Variants in TTN observed in about 807,000 individuals in gnomAD.
TTN encodes the protein connectin.
In TTN, 1,525 loss-of-function variants were observed where a neutral mutation model predicts 3,223.0. The ratio of observed to expected loss-of-function variants is 0.47; its 90% CI spans 0.45 to 0.49. TTN has a LOEUF of 0.49. Among genes scored for constraint, TTN ranks in the 20% least tolerant of loss-of-function variants. The probability of loss-of-function intolerance (pLI) is 0.00; values close to 1 mark genes in which losing one functional copy is unlikely to be tolerated. For missense variants in TTN, 40,786 were observed against 43,424.0 expected (o/e 0.94, Z 5.40); for synonymous variants, 14,094 against 15,161.0 (o/e 0.93, Z 5.17).
At position 178,614,582 on chromosome 2, in the gene TTN, G is replaced by T. The variant is rs763372996; in HGVS notation, c.48932C>A (p.Pro16311His). The T allele has an allele frequency of 1.7e-5, 28 of 1,612,228 alleles. No homozygotes were observed. The highest frequency in any genetic ancestry group is 2.1e-5 in the Non-Finnish European group (25 of 1,179,146). ...AACAATAGTCACTGTGGATTTCTTA[G>T]GGACATTTTCAATGGTAATTCTTTT... ...QDKRITIENV[P>H]KKSTVTIVDS... Residue 16311 changes from proline (P) to histidine (H), a missense_variant, in exon 261 of 363, where the codon CCT becomes CAT. By Grantham distance (77) the Pro-to-His change is moderately conservative (BLOSUM62 -2). Coordinates refer to ENST00000589042, the MANE Select transcript of TTN (RefSeq NM_001267550.2).
At position 178,719,696 on chromosome 2, in the gene TTN, G is replaced by A; in HGVS notation, c.23796C>T (p.Asp7932=). ...TGATGAATGTAATGTGATGTTTGCT[G>A]TCTGCAGACAATTCTCTTCCATCTT... ...WFKDGRELSA[D]SKHHITFINK... Residue 7932 remains aspartate, a synonymous_variant, in exon 82 of 363, where the codon GAC becomes GAT. Coordinates refer to ENST00000589042, the MANE Select transcript of TTN (RefSeq NM_001267550.2). The A allele has an allele frequency of 1.2e-6, 2 of 1,613,712 alleles. No individual in the cohort carries two copies. Among genetic ancestry groups the A allele is most frequent in the South Asian group, 1.1e-5 (1 of 91,084 alleles).
rs374893678 is a variant in TTN at position 178,741,929 on chromosome 2, G to T, written c.11312-8C>A. On this transcript the variant is annotated splice_polypyrimidine_tract_variant and splice_region_variant and intron_variant, in intron 47 of 362. Transcript: ENST00000589042. ...GAAAAGAACTAGAAAACTCTGTATG[G>T]GGAAAAATGATTATTATTTTACTAT... is the stretch of plus-strand genomic sequence containing the variant. The T allele has an allele frequency of 3.2e-5, 46 of 1,449,976 alleles. No individual in the cohort carries two copies. In the African/African-American group the frequency reaches 6.2e-4, roughly 19 times the overall value. The allele number at this position is 1,449,976 out of a possible 1,614,324, so 89.8% of individuals were successfully genotyped here. A position where few individuals can be genotyped will look rare whatever the true frequency, so the allele number is the denominator to read the frequency against.
intron 78 of TTN, 69 bp from the exon 79 acceptor site, chr2:178,721,271 G>A (rs1213226855): frequency 7.1e-6 from 9 of 1,262,592 alleles, no homozygotes; most frequent in Non-Finnish European, 9.2e-6. Flanking sequence ...TGTTTTTGTA[G>A]CTGAAGATCC....
Position 178,649,269 on chromosome 2 carries a change from GT to G in TTN, c.40035del (p.Lys13345AsnfsTer44). 4.0e-6 allele frequency: 6 copies of G among 1,499,686 alleles called. No homozygotes were observed. In the Admixed American group the frequency reaches 7.9e-5, roughly 20 times the overall value. The allele number at this position is 1,499,686 out of a possible 1,614,324, so 92.9% of individuals were successfully genotyped here. On this transcript the variant is annotated frameshift_variant, in exon 213 of 363. Coordinates refer to ENST00000589042, the MANE Select transcript of TTN (RefSeq NM_001267550.2). LOFTEE classifies it high-confidence loss of function. ...VKKEPVPVTK[K>X]PEVLPEKVPK... ...GTACCTTTTTCTGGAAGAACTTCTG[GT>G]TTTTTGGTAACAGGCACAGGTTCTT... is the stretch of plus-strand genomic sequence containing the variant.
chr2:178,734,674 GA>G, intron 51 of TTN, 32 bp downstream of exon 51: 4 of 1,577,732 alleles, frequency 2.5e-6, no homozygotes, highest in Non-Finnish European at 3.4e-6. Flanking sequence ...TCTTTTCTCA[GA>G]AAAATACTGG....
intron 12 of TTN, among the ~76,000 whole-genome samples, chr2:178,789,771 T>C (rs902722812): frequency 6.6e-6 from 1 of 152,150 alleles, no homozygotes; most frequent in African/African-American, 2.4e-5. Flanking sequence ...TAATGGTGAA[T>C]AAAATGAATT....
rs1293502713 is a variant in TTN at position 178,767,835 on chromosome 2, C to T, written c.9395G>A (p.Gly3132Glu). Reference sequence around the variant, plus strand: ...GAGTTTTGCAGTTGACACGTTGCCTCCTGCCACCACTGTGTACTTCCCAGC... The same window carrying T: ...GAGTTTTGCAGTTGACACGTTGCCTTCTGCCACCACTGTGTACTTCCCAGC... ...SDAGKYTVVA[G>E]GNVSTAKLFV... Residue 3132 changes from glycine (G) to glutamate (E), a missense_variant, in exon 40 of 363, where the codon GGA becomes GAA. Physicochemically the swap from Gly to Glu is moderately conservative, Grantham distance 98. Transcript: ENST00000589042. 6.2e-7 allele frequency: 1 copy of T among 1,614,130 alleles called. No homozygotes were observed. Among genetic ancestry groups the T allele is most frequent in the Middle Eastern group, 1.6e-4 (1 of 6,062 alleles).
Position 178,592,969 on chromosome 2 carries a change from A to G in TTN, c.59150T>C (p.Val19717Ala). 2.5e-6 allele frequency: 4 copies of G among 1,613,510 alleles called. No homozygotes were observed. The highest frequency in any genetic ancestry group is 3.4e-6 in the Non-Finnish European group (4 of 1,179,604). The change falls in exon 300 of 363, where the codon GTT becomes GCT. Residue 19717 changes from valine (V) to alanine (A), a missense_variant. Physicochemically the swap from Val to Ala is moderately conservative, Grantham distance 64 (BLOSUM62 0). Transcript: ENST00000589042. ...TTCATCTCCAACTTTCTGGTACTCA[A>G]CAATATAACCCAGAATCTTGCTCCC... ...DGGSKILGYIVEYQKVGDEEW... is the reference protein window; with the variant it reads ...DGGSKILGYIAEYQKVGDEEW...
chr2:178,598,890 T>A lies in TTN; in HGVS notation c.56820A>T (p.Lys18940Asn). The A allele has an allele frequency of 6.2e-7, 1 of 1,613,222 alleles. No homozygotes were observed. Among genetic ancestry groups the A allele is most frequent in the Non-Finnish European group, 8.5e-7 (1 of 1,179,494 alleles). ...RWKRVNRDPI[K>N]AMTLGVSYKV... is the part of the protein sequence containing the mutation. ...TATAAGAAACACCCAAAGTCATGGCTTTGATAGGATCTCGGTTAACTCTCT... is the reference window on the plus strand; with the variant it reads ...TATAAGAAACACCCAAAGTCATGGCATTGATAGGATCTCGGTTAACTCTCT... Residue 18940 changes from lysine to asparagine, a missense_variant, in exon 291 of 363, where the codon AAA becomes AAT. Physicochemically the swap from Lys to Asn is moderately conservative, Grantham distance 94 (BLOSUM62 0). Coordinates refer to ENST00000589042, the MANE Select transcript of TTN (RefSeq NM_001267550.2).
rs940884256 is a variant in TTN, at chr2:178,715,759, A to G, written c.25655T>C (p.Ile8552Thr). 8 of 1,582,956 alleles carry G rather than the reference A, an allele frequency of 5.1e-6. No homozygotes were observed. In the African/African-American group the frequency reaches 9.4e-5, roughly 19 times the overall value. Residue 8552 changes from isoleucine to threonine, a missense_variant, in exon 89 of 363, where the codon ATT becomes ACT. Physicochemically the swap from Ile to Thr is moderately conservative, Grantham distance 89. Coordinates refer to ENST00000589042, the MANE Select transcript of TTN (RefSeq NM_001267550.2). ...QLGVQEPPRF[I>T]KKLEPSRIVK... ...AATTCTTGAAGGTTCTAGCTTCTTA[A>G]TGAACCTGGGTGGTTCTATGGAACC... is the stretch of plus-strand genomic sequence containing the variant.
Position 178,644,729 on chromosome 2 carries a change from ATAAC to A in TTN, c.40409-117_40409-114del. 5 of 776,410 alleles carry A rather than the reference ATAAC, an allele frequency of 6.4e-6. No individual in the cohort carries two copies. In the South Asian group the frequency reaches 8.2e-5, roughly 13 times the overall value. The allele number at this position is 776,410 out of a possible 1,614,324, so 48.1% of individuals were successfully genotyped here. A position where few individuals can be genotyped will look rare whatever the true frequency, so the allele number is the denominator to read the frequency against. ...CTTTGCTTATAACCAGAAAGCATTA[ATAAC>A]AGCCAAGAACAGCCTTCAAAGAACA... On this transcript the variant is annotated intron_variant, in intron 217 of 362. Transcript: ENST00000589042.
Position 178,632,219 on chromosome 2 carries a change from A to G in TTN, c.43675T>C (p.Ser14559Pro). Residue 14559 changes from serine (S) to proline (P), a missense_variant, in exon 236 of 363, where the codon TCT becomes CCT. Physicochemically the swap from Ser to Pro is moderately conservative, Grantham distance 74. Transcript: ENST00000589042. ...KTHSITFKDL[S>P]IDDTSQIRVE... Reference sequence around the variant, plus strand: ...CTAATTTGGGAGGTGTCATCAATAGACAGGTCTTTGAATGTGATCGAATGA... The same window carrying G: ...CTAATTTGGGAGGTGTCATCAATAGGCAGGTCTTTGAATGTGATCGAATGA... 6.2e-7 allele frequency: 1 copy of G among 1,607,948 alleles called. No homozygotes were observed. Among genetic ancestry groups the G allele is most frequent in the South Asian group, 1.1e-5 (1 of 89,938 alleles).
At position 178,562,357 on chromosome 2, in the gene TTN, G is replaced by T. The variant is rs763936394; in HGVS notation, c.83775C>A (p.Gly27925=). 2 of 1,610,868 alleles carry T rather than the reference G, an allele frequency of 1.2e-6. No homozygotes were observed. Among genetic ancestry groups the T allele is most frequent in the South Asian group, 2.2e-5 (2 of 90,390 alleles). The change falls in exon 326 of 363, where the codon GGC becomes GGA. Residue 27925 remains glycine, a synonymous_variant. Coordinates refer to ENST00000589042, the MANE Select transcript of TTN (RefSeq NM_001267550.2). ...AGACATACTCTTCTCCTGCAGTTAA[G>T]CCAGATATAGTTGCTTCTAGAGTCT... is the stretch of plus-strand genomic sequence containing the variant. ...QVKTLEATIS[G]LTAGEEYVFR...
In TTN at chr2:178,779,216, G is replaced by A. The variant is rs772650637; in HGVS notation, c.3963+13C>T. ...ACTGTGGCAAGGAGCTATGATAAAT[G>A]TTTATATTTTACCTTTGGTAATGGA... On this transcript the variant is annotated intron_variant, in intron 23 of 362. Transcript: ENST00000589042. The A allele has an allele frequency of 2.5e-6, 4 of 1,612,960 alleles. No individual in the cohort carries two copies. Among genetic ancestry groups the A allele is most frequent in the African/African-American group, 1.3e-5 (1 of 74,902 alleles).
intron 64 of TTN, 50 bp downstream of exon 64, chr2:178,729,238 A>T (rs1375567394): frequency 6.4e-7 from 1 of 1,553,728 alleles, no homozygotes; most frequent in Non-Finnish European, 8.7e-7. Context: ...GATAAGATTT[A>T]AAAGCGTTAC....
Position 178,684,697 on chromosome 2 carries a change from G to T in TTN, c.32607C>A (p.Val10869=), listed in dbSNP as rs1286198154. Reference sequence around the variant, plus strand: ...CTGGGAGAGGTTCTTCCATCTTAATGACTTTTGGAGGAACCTTTTTTTCTG... The same window carrying T: ...CTGGGAGAGGTTCTTCCATCTTAATTACTTTTGGAGGAACCTTTTTTTCTG... ...PVPEKKVPPK[V]IKMEEPLPAK... is the part of the protein sequence containing the mutation. The change falls in exon 131 of 363, where the codon GTC becomes GTA. Residue 10869 remains valine (V), a synonymous_variant. Transcript: ENST00000589042. The T allele has an allele frequency of 1.9e-6, 3 of 1,612,968 alleles. No individual in the cohort carries two copies. The highest frequency in any genetic ancestry group is 1.7e-6 in the Non-Finnish European group (2 of 1,179,620).
intron 90 of TTN, 102 bp downstream of exon 90, chr2:178,714,884 G>T: frequency 1.4e-6 from 2 of 1,431,396 alleles, no homozygotes; most frequent in Non-Finnish European, 9.4e-7. Context: ...AGGGAAAGTG[G>T]AATAGGCTGC....
Position 178,572,919 on chromosome 2 carries a change from C to T in TTN, c.73213G>A (p.Glu24405Lys), listed in dbSNP as rs764485436. The T allele has an allele frequency of 9.3e-6, 15 of 1,613,308 alleles. No homozygotes were observed. Among genetic ancestry groups the T allele is most frequent in the East Asian group, 9.0e-5 (4 of 44,682 alleles). ...ACAAGGGCAGGTTCCCCAAGTCCTT[C>T]GGAATTCATGGCATAGATGCGGATC... The part of the protein sequence containing the change: ...YKIRIYAMNS[E>K]GLGEPALVPG... The change falls in exon 326 of 363, where the codon GAA (glutamate) becomes AAA (lysine). Residue 24405 changes from glutamate to lysine, a missense_variant. Physicochemically the swap from Glu to Lys is moderately conservative, Grantham distance 56. Transcript: ENST00000589042.
At position 178,541,331 on chromosome 2, in the gene TTN, A is replaced by G. The variant is rs757966948; in HGVS notation, c.97746T>C (p.Ser32582=). Residue 32582 remains serine, a synonymous_variant, in exon 350 of 363, where the codon TCT becomes TCC. Transcript: ENST00000589042. ...HRVTAINARG[S]GKPSRPSKPI... is the part of the protein sequence containing the mutation. ...GTTTGGAAGGACGACTTGGTTTCCC[A>G]GACCCTCTTGCATTAATGGCTGTGA... The G allele has an allele frequency of 1.9e-6, 3 of 1,567,998 alleles. No individual in the cohort carries two copies. In the Admixed American group the frequency reaches 5.6e-5, roughly 29 times the overall value.
Sources: allele counts gnomAD v4.1 joint callset (sites outside exome capture counted in the v4.1 genomes callset), GRCh38; gene constraint gnomAD v4.1.1; transcripts MANE v1.5; gene names NCBI Gene and HGNC (gene_info 2026-07-23, HGNC 2026-07-21).